The following GRM1 variants were observed in gnomAD, a reference collection of about 807,000 sequenced individuals.
The protein encoded by GRM1 is glutamate metabotropic receptor 1, also known as metabotropic glutamate receptor 1.
GRM1 carries 33 observed loss-of-function variants against 90.9 expected under a neutral mutation model. That is an observed-to-expected ratio of 0.36 (90% CI 0.28 to 0.49). GRM1 has a LOEUF of 0.49. Ranked by LOEUF, GRM1 falls within the 20% of genes least tolerant of loss-of-function variation. The pLI is 0.99. For missense variants in GRM1, 1,190 were observed against 1,534.3 expected, an observed-to-expected ratio of 0.78 and a Z score of 3.75; for synonymous variants, 700 against 613.2, an observed-to-expected ratio of 1.14 and a Z score of -2.09.
intron 2 of GRM1, among the ~76,000 whole-genome samples, chr6:146,185,232 C>G (rs938199256): frequency 6.6e-6 from 1 of 152,226 alleles, no homozygotes; most frequent in African/African-American, 2.4e-5. Flanking sequence ...TTAACTTCCT[C>G]TCACAGTCCA....
At chr6:146,131,335 G>A (rs373198552) in intron 1 of GRM1, among the ~76,000 whole-genome samples, 7 of 151,882 alleles carry the variant, frequency 4.6e-5, no homozygotes, top group African/African-American at 7.3e-5. Context: ...AATTTTTTGT[G>A]TGGCAATGTG....
In GRM1 at chr6:146,389,674, A is replaced by T. The variant is rs111541081; in HGVS notation, c.1729+2658A>T. On this transcript the variant is annotated intron_variant, in intron 6 of 7. Coordinates refer to ENST00000282753, the MANE Select transcript of GRM1 (RefSeq NM_001278064.2). ...TCATATGCATAAAAGTCACTTTAAC[A>T]TTCAAATGAGTTGAGCCAGCAACTC... Among the ~76,000 whole-genome samples the T allele has an allele frequency of 3.3e-5, 5 of 152,252 alleles. 1 individual carries two copies. Among genetic ancestry groups the T allele is most frequent in the African/African-American group, 1.2e-4 (5 of 41,562 alleles).
chr6:146,261,344 C>T (rs957118294), intron 2 of GRM1, among the ~76,000 whole-genome samples: 34 of 152,044 alleles, frequency 2.2e-4, no homozygotes, highest in African/African-American at 7.2e-4. Context: ...CTGAAGTACC[C>T]AAATGCCTTG....
intron 2 of GRM1, among the ~76,000 whole-genome samples, chr6:146,228,490 T>C (rs1056148166): frequency 1.3e-5 from 2 of 152,192 alleles, no homozygotes; most frequent in Non-Finnish European, 2.9e-5. Flanking sequence ...CCTCATGACC[T>C]AATCACTCCT....
chr6:146,033,389 T>C (rs1162315333), intron 1 of GRM1, among the ~76,000 whole-genome samples: 5 of 152,170 alleles, frequency 3.3e-5, no homozygotes, highest in East Asian at 3.8e-4. Flanking sequence ...AACAAATTTA[T>C]TATTTCAAAT....
chr6:146,370,672 C>G (rs968145284), intron 5 of GRM1, among the ~76,000 whole-genome samples: 2 of 151,924 alleles, frequency 1.3e-5, no homozygotes, highest in East Asian at 3.9e-4. Flanking sequence ...CCCTGAGATA[C>G]AATTTTGGCT....
intron 1 of GRM1, among the ~76,000 whole-genome samples, chr6:146,125,408 C>T (rs1013677569): frequency 6.6e-6 from 1 of 151,594 alleles, no homozygotes; most frequent in African/African-American, 2.4e-5. Context: ...GATATTTTTT[C>T]CTCCTCCCTT....
chr6:146,216,695 CT>C (rs1779884804), intron 2 of GRM1, among the ~76,000 whole-genome samples: 1 of 152,218 alleles, frequency 6.6e-6, no homozygotes. Flanking sequence ...TTCCTCTAAA[CT>C]GTAAAACATT....
intron 2 of GRM1, among the ~76,000 whole-genome samples, chr6:146,209,320 C>T (rs1047198226): frequency 6.6e-6 from 1 of 152,032 alleles, no homozygotes; most frequent in Non-Finnish European, 1.5e-5. Context: ...ATGATTTGTC[C>T]TAGAGAGTGC....
chr6:146,063,387 TATTGA>T (rs1326226244), intron 1 of GRM1, among the ~76,000 whole-genome samples: 13 of 152,234 alleles, frequency 8.5e-5, no homozygotes, highest in African/African-American at 2.7e-4. Flanking sequence ...CATTGAAGAT[TATTGA>T]ATTGAATATT....
At chr6:146,279,265 G>A (rs1782484325) in intron 2 of GRM1, among the ~76,000 whole-genome samples, 1 of 151,782 alleles carries the variant, frequency 6.6e-6, no homozygotes, top group Admixed American at 6.6e-5. Context: ...TATATCTAGA[G>A]GTTTATAAAT....
chr6:146,177,425 T>C (rs1484018916), intron 2 of GRM1, among the ~76,000 whole-genome samples: 1 of 152,086 alleles, frequency 6.6e-6, no homozygotes, highest in Non-Finnish European at 1.5e-5. Context: ...TTATTAAAGG[T>C]GTCTTTCTTT....
intron 1 of GRM1, among the ~76,000 whole-genome samples, chr6:146,106,199 A>G (rs1486069879): frequency 6.6e-6 from 1 of 152,198 alleles, no homozygotes; most frequent in Non-Finnish European, 1.5e-5. Flanking sequence ...TGATTAGAAC[A>G]CCACTTGATT....
intron 1 of GRM1, among the ~76,000 whole-genome samples, chr6:146,087,909 G>C (rs1017874074): frequency 4.6e-5 from 7 of 152,072 alleles, no homozygotes; most frequent in Non-Finnish European, 8.8e-5. Context: ...ACATTTGTGT[G>C]CATGTTTTAG....
At chr6:146,140,193 T>C (rs1387121276) in intron 1 of GRM1, among the ~76,000 whole-genome samples, 1 of 146,782 alleles carries the variant, frequency 6.8e-6, no homozygotes, top group East Asian at 2.0e-4. Flanking sequence ...CCTGTCTACA[T>C]TTTAGTGAAG....
At chr6:146,243,520 G>A (rs1334076319) in intron 2 of GRM1, among the ~76,000 whole-genome samples, 2 of 152,078 alleles carry the variant, frequency 1.3e-5, no homozygotes, top group African/African-American at 4.8e-5. Context: ...TGTAAGAACA[G>A]TTCTGCCTTC....
chr6:146,414,929 G>GT (rs142003791), intron 7 of GRM1, among the ~76,000 whole-genome samples: 1,962 of 152,218 alleles, frequency 0.013, 48 homozygotes, highest in African/African-American at 0.045. Context: ...ATTCTCCTGT[G>GT]TTTTTTCTAG....
Position 146,037,467 on chromosome 6 carries a change from C to G in GRM1, c.700+7250C>G, listed in dbSNP as rs552446745. ...TTTAGCTTTGTTTTAGATACTTTCT[C>G]AAGCCAAAGTTTTCTTTCTTTCTTT... On this transcript the variant is annotated intron_variant, in intron 1 of 7. Coordinates refer to ENST00000282753, the MANE Select transcript of GRM1 (RefSeq NM_001278064.2). Among the ~76,000 whole-genome samples, 48 of 152,036 alleles carry G rather than the reference C, an allele frequency of 3.2e-4. 1 individual carries two copies. Among genetic ancestry groups the G allele is most frequent in the African/African-American group, 1.0e-3 (42 of 41,528 alleles).
chr6:146,341,172 C>A (rs1784966930), intron 3 of GRM1, among the ~76,000 whole-genome samples: 2 of 152,146 alleles, frequency 1.3e-5, no homozygotes, highest in Admixed American at 6.5e-5. Context: ...ATCCATTGCT[C>A]ATTCCTTCAA....
Sources: allele counts gnomAD v4.1 joint callset (sites outside exome capture counted in the v4.1 genomes callset), GRCh38; gene constraint gnomAD v4.1.1; transcripts MANE v1.5; gene names NCBI Gene and HGNC (gene_info 2026-07-23, HGNC 2026-07-21).